Variants in LRP4 observed in about 807,000 individuals in gnomAD.
LRP4 encodes the protein low-density lipoprotein receptor-related protein 4.
In LRP4, 95 loss-of-function variants were observed where a neutral mutation model predicts 220.3. The observed-to-expected ratio is 0.43, with a 90% CI of 0.37 to 0.51. LRP4 has a LOEUF of 0.51. Among genes scored for constraint, LRP4 ranks in the 20% least tolerant of loss-of-function variants. The pLI, the probability that LRP4 is intolerant of heterozygous loss-of-function variation, is 0.00. For synonymous variants in LRP4, 903 were observed against 954.6 expected, an observed-to-expected ratio of 0.95 and a Z score of 1.00; for missense variants, 1,925 against 2,567.0, an observed-to-expected ratio of 0.75 and a Z score of 5.40.
At chr11:46,876,071 G>T in intron 25 of LRP4, 105 bp from the exon 26 acceptor site, 1 of 1,332,870 alleles carries the variant, frequency 7.5e-7, no homozygotes, top group Non-Finnish European at 1.1e-6. Flanking sequence ...CTTACAGTAT[G>T]TCAGGCAAAA....
At chr11:46,888,419 G>A (rs932475664) in intron 16 of LRP4, among the ~76,000 whole-genome samples, 2 of 151,668 alleles carry the variant, frequency 1.3e-5, no homozygotes, top group African/African-American at 4.8e-5. Context: ...CAGGTGTGGT[G>A]GCGCATGCTT....
At position 46,903,114 on chromosome 11, in the gene LRP4, C is replaced by G. The variant is rs12806687; in HGVS notation, c.53-185G>C. ...GGGCATAAACGACCCAGCAGATACC[C>G]TCTGACTTTGGGCTTACAAAGAGTC... On this transcript the variant is annotated intron_variant, in intron 1 of 37. Transcript: ENST00000378623. Among the ~76,000 whole-genome samples the G allele has an allele frequency of 0.5, 76,610 of 152,064 alleles. 22,681 individuals carry two copies. The highest frequency in any genetic ancestry group is 0.66 in the Non-Finnish European group (44,708 of 67,974).
chr11:46,860,863 G>A, intron 37 of LRP4: 1 of 584,564 alleles, frequency 1.7e-6, no homozygotes, highest in Non-Finnish European at 2.2e-6. Flanking sequence ...TTAGGGAGAG[G>A]TGGGGGATAT....
chr11:46,869,883 C>G (rs908790901), intron 31 of LRP4, among the ~76,000 whole-genome samples: 1 of 151,594 alleles, frequency 6.6e-6, no homozygotes, highest in African/African-American at 2.4e-5. Flanking sequence ...CCAAGGTGGG[C>G]GATCATGAGG....
In LRP4 at chr11:46,889,493, G is replaced by A; in HGVS notation, c.2133C>T (p.His711=). 1 of 1,614,104 alleles carries A rather than the reference G, an allele frequency of 6.2e-7. No homozygotes were observed. The change falls in exon 16 of 38, where the codon CAC becomes CAT. Residue 711 remains histidine, a synonymous_variant. Transcript: ENST00000378623. ...RCGDNNGGCT[H]LCLPSGQNYT... is the part of the protein sequence containing the mutation. The stretch of plus-strand genomic sequence containing the variant: ...AGTTCTGGCCACTGGGCAGACACAG[G>A]TGCGTGCAGCCTCCGTTGTTGTCCC...
Position 46,896,007 on chromosome 11 carries a change from C to G in LRP4, c.1060G>C (p.Gly354Arg). Residue 354 changes from glycine to arginine, a missense_variant, in exon 10 of 38, where the codon GGT becomes CGT. Physicochemically the swap from Gly to Arg is moderately radical, Grantham distance 125 (BLOSUM62 -2). Around this residue, in one of 3 missense-constraint regions of LRP4, gnomAD observed 412 missense variants for 505.4 expected, o/e 0.82. Transcript: ENST00000378623. ...TTGTTAACATTGCAGTTCTCCTCAC[C>G]CGTCCGGGGCCCTGTGCCAGCCAAG... ...SPQQNCRPRT[G>R]EENCNVNNGG... The G allele has an allele frequency of 6.2e-7, 1 of 1,614,136 alleles. No individual in the cohort carries two copies. Among genetic ancestry groups the G allele is most frequent in the Non-Finnish European group, 8.5e-7 (1 of 1,180,048 alleles).
chr11:46,900,843 G>A (rs1941651443), intron 2 of LRP4, among the ~76,000 whole-genome samples: 1 of 151,268 alleles, frequency 6.6e-6, no homozygotes, highest in Non-Finnish European at 1.5e-5. Flanking sequence ...CTGGAGTGCA[G>A]TGGTATGATC....
chr11:46,902,726 C>T (rs996838281), intron 2 of LRP4, 57 bp downstream of exon 2: 13 of 1,599,864 alleles, frequency 8.1e-6, no homozygotes, highest in African/African-American at 1.3e-5. Flanking sequence ...CTTGTCCTTG[C>T]CCCCCACCCC....
In LRP4 at chr11:46,890,053, C is replaced by T; in HGVS notation, c.1983G>A (p.Lys661=). 2 of 1,614,170 alleles carry T rather than the reference C, an allele frequency of 1.2e-6. No homozygotes were observed. Among genetic ancestry groups the T allele is most frequent in the Non-Finnish European group, 1.7e-6 (2 of 1,180,044 alleles). ...TAAATTTGTTAGCGCTATTGATGCT[C>T]TTGGTGTGCCAGTCTGTCCAGTACA... The part of the protein sequence containing the change: ...DSLYWTDWHT[K]SINSANKFTG... Residue 661 remains lysine, a synonymous_variant, in exon 15 of 38, where the codon AAG becomes AAA. Coordinates refer to ENST00000378623, the MANE Select transcript of LRP4 (RefSeq NM_002334.4). This position sits in a 1 kb window ranked among gnomAD's most constrained non-coding sequence, Gnocchi z 5.3.
At chr11:46,886,011 G>C in intron 18 of LRP4, 80 bp downstream of exon 18, 2 of 1,188,584 alleles carry the variant, frequency 1.7e-6, no homozygotes, top group South Asian at 1.2e-5. Flanking sequence ...AGAGACACTG[G>C]GCTCCTTCTA....
chr11:46,876,032 C>T, intron 25 of LRP4, 66 bp from the exon 26 acceptor site: 1 of 1,536,030 alleles, frequency 6.5e-7, no homozygotes, highest in Non-Finnish European at 9.0e-7. Flanking sequence ...ACCATGAATA[C>T]TTAACAGTAT....
intron 1 of LRP4, among the ~76,000 whole-genome samples, chr11:46,915,423 T>C (rs1941933343): frequency 1.3e-5 from 2 of 152,230 alleles, no homozygotes; most frequent in African/African-American, 4.8e-5. Context: ...CACTCAGGGC[T>C]ATTACCAGCC....
In LRP4 at chr11:46,899,721, GC is replaced by G. The variant is rs1478099019; in HGVS notation, c.430+141del. The G allele has an allele frequency of 2.4e-6, 2 of 829,672 alleles. No individual in the cohort carries two copies. The highest frequency in any genetic ancestry group is 4.9e-5 in the East Asian group (2 of 40,592). The allele number at this position is 829,672 out of a possible 1,614,324, so 51.4% of individuals were successfully genotyped here. A position where few individuals can be genotyped will look rare whatever the true frequency, so the allele number is the denominator to read the frequency against. On this transcript the variant is annotated intron_variant, in intron 4 of 37. Transcript: ENST00000378623. This position sits in a 1 kb window ranked among gnomAD's most constrained non-coding sequence, Gnocchi z 5.9. ...GTTTCTGGGGGGTCTGAGCGGCTCTGCCCCCTCTGCGTTCCTCTAGCTGCTC... is the reference window on the plus strand; with the variant it reads ...GTTTCTGGGGGGTCTGAGCGGCTCTGCCCCTCTGCGTTCCTCTAGCTGCTC...
chr11:46,901,825 C>T (rs920961984), intron 2 of LRP4, among the ~76,000 whole-genome samples: 3 of 151,990 alleles, frequency 2.0e-5, no homozygotes, highest in Non-Finnish European at 2.9e-5. Flanking sequence ...CTCTGTCTCC[C>T]GGGTTTACAC....
chr11:46,861,495 T>A (rs976889499), intron 37 of LRP4, among the ~76,000 whole-genome samples: 1 of 151,292 alleles, frequency 6.6e-6, no homozygotes, highest in East Asian at 1.9e-4. Context: ...AAATACCAGG[T>A]ATAGTTAGTT....
intron 22 of LRP4, among the ~76,000 whole-genome samples, 160 bp downstream of exon 22, chr11:46,878,747 C>T (rs1051429144): frequency 1.3e-5 from 2 of 152,144 alleles, no homozygotes; most frequent in African/African-American, 2.4e-5. Context: ...TCCCCAGGCC[C>T]GTCCCCTTTT....
In LRP4 at chr11:46,898,573, C is replaced by G; in HGVS notation, c.781G>C (p.Asp261His). 6.2e-7 allele frequency: 1 copy of G among 1,614,182 alleles called. No individual in the cohort carries two copies. The highest frequency in any genetic ancestry group is 8.5e-7 in the Non-Finnish European group (1 of 1,180,042). Residue 261 changes from aspartate to histidine, a missense_variant, in exon 7 of 38, where the codon GAT becomes CAT. Physicochemically the swap from Asp to His is moderately conservative, Grantham distance 81. Transcript: ENST00000378623. ...DGDADCDDQS[D>H]ERNCTTSMCT... ...CCCCACTCACTGCAGTTGCGCTCAT[C>G]AGACTGGTCATCACAGTCCGCGTCA...
intron 11 of LRP4, 31 bp from the exon 12 acceptor site, chr11:46,894,850 C>T (rs374216060): frequency 6.2e-5 from 99 of 1,596,344 alleles, no homozygotes; most frequent in Non-Finnish European, 8.4e-5. Flanking sequence ...GGGATACCCA[C>T]TGGGTTTCAG....
intron 11 of LRP4, 24 bp from the exon 12 acceptor site, chr11:46,894,843 A>T: frequency 6.2e-7 from 1 of 1,603,486 alleles, no homozygotes; most frequent in Non-Finnish European, 8.5e-7. Context: ...TAAACATGGG[A>T]TACCCACTGG....
Sources: allele counts gnomAD v4.1 joint callset (sites outside exome capture counted in the v4.1 genomes callset), GRCh38; gene constraint gnomAD v4.1.1; regional missense constraint gnomAD v4.1.1; non-coding constraint Gnocchi (gnomAD v3.1); transcripts MANE v1.5; gene names NCBI Gene and HGNC (gene_info 2026-07-23, HGNC 2026-07-21).